The following SOX6 variants were observed in gnomAD, a reference collection of about 807,000 sequenced individuals.
SOX6 encodes the protein transcription factor SOX-6.
SOX6 carries 11 observed loss-of-function variants against 97.8 expected under a neutral mutation model. That is an observed-to-expected ratio of 0.11 (90% CI 0.07 to 0.19). The LOEUF (loss-of-function observed/expected upper bound fraction) is 0.19, where lower values mean the gene tolerates loss of function less well. Ranked by LOEUF, SOX6 falls within the 10% of genes least tolerant of loss-of-function variation. The probability of loss-of-function intolerance (pLI) is 1.00; values close to 1 mark genes in which losing one functional copy is unlikely to be tolerated. For missense variants in SOX6, 810 were observed against 1,039.5 expected (o/e 0.78, Z 3.04); for synonymous variants, 360 against 371.4 (o/e 0.97, Z 0.35).
chr11:16,337,266 C>G (rs1332507506), intron 2 of SOX6, among the ~76,000 whole-genome samples: 1 of 152,098 alleles, frequency 6.6e-6, no homozygotes, highest in Non-Finnish European at 1.5e-5. Context: ...CTGTTTGATA[C>G]AAGTAGCTAT....
chr11:16,229,405 C>T (rs1852782935), intron 4 of SOX6, among the ~76,000 whole-genome samples: 1 of 151,622 alleles, frequency 6.6e-6, no homozygotes, highest in African/African-American at 2.4e-5. Context: ...ATAAGAATAA[C>T]AGGAAAGGAG....
At chr11:16,201,127 A>T (rs1239199234) in intron 4 of SOX6, among the ~76,000 whole-genome samples, 1 of 152,070 alleles carries the variant, frequency 6.6e-6, no homozygotes, top group Non-Finnish European at 1.5e-5. Context: ...AAAAAAAAAA[A>T]AAAATCCCTT....
intron 8 of SOX6, 25 bp from the exon 9 acceptor site, chr11:16,096,143 A>AC: frequency 6.2e-7 from 1 of 1,609,736 alleles, no homozygotes; most frequent in African/African-American, 1.3e-5. Flanking sequence ...ATTCAGAAAA[A>AC]AAAAAAAAGA....
chr11:16,019,292 G>A (rs1031375030), intron 12 of SOX6, among the ~76,000 whole-genome samples: 5 of 151,976 alleles, frequency 3.3e-5, no homozygotes, highest in Admixed American at 6.6e-5. Flanking sequence ...TTAAGTACAC[G>A]TCTGGTCAAT....
At chr11:15,987,903 C>T (rs1853917781) in intron 14 of SOX6, among the ~76,000 whole-genome samples, 1 of 151,858 alleles carries the variant, frequency 6.6e-6, no homozygotes, top group South Asian at 2.1e-4. Context: ...TTTAACATTT[C>T]ACCACTATTT....
intron 4 of SOX6, among the ~76,000 whole-genome samples, chr11:16,575,373 C>G (rs1354195055): frequency 6.6e-6 from 1 of 152,064 alleles, no homozygotes; most frequent in Non-Finnish European, 1.5e-5. Context: ...TTGTCTGACT[C>G]AACAATTCCA....
At chr11:16,570,877 G>C (rs966328914) in intron 4 of SOX6, among the ~76,000 whole-genome samples, 2 of 152,046 alleles carry the variant, frequency 1.3e-5, no homozygotes, top group Non-Finnish European at 2.9e-5. Flanking sequence ...TTCTGTAGCT[G>C]GCAGAAGTAA....
intron 6 of SOX6, among the ~76,000 whole-genome samples, chr11:16,132,326 G>GAAA (rs1849778064): frequency 1.5e-5 from 1 of 66,252 alleles, no homozygotes; most frequent in African/African-American, 5.6e-5. Flanking sequence ...AAGGAAGGAA[G>GAAA]GAAGGAAAGA....
chr11:16,185,641 A>G (rs1020965304), intron 5 of SOX6, among the ~76,000 whole-genome samples: 1 of 152,228 alleles, frequency 6.6e-6, no homozygotes, highest in Non-Finnish European at 1.5e-5. Flanking sequence ...ATTTTGAAAT[A>G]TAATTACAAA....
intron 15 of SOX6, among the ~76,000 whole-genome samples, chr11:15,982,937 T>C (rs892815208): frequency 6.6e-5 from 10 of 152,030 alleles, no homozygotes; most frequent in Non-Finnish European, 1.5e-4. Context: ...TGTAGCTACA[T>C]GTACCCTAAT....
At chr11:16,265,323 T>C (rs1854049434) in intron 3 of SOX6, among the ~76,000 whole-genome samples, 1 of 151,862 alleles carries the variant, frequency 6.6e-6, no homozygotes, top group Admixed American at 6.6e-5. Context: ...TAGTCATGAT[T>C]TGGTGCATCA....
chr11:16,623,709 T>G (rs1031698273), intron 3 of SOX6, among the ~76,000 whole-genome samples: 4 of 152,218 alleles, frequency 2.6e-5, no homozygotes, highest in Admixed American at 2.0e-4. Context: ...TAGATTTAAG[T>G]CTTTGATCCA....
At chr11:16,478,290 A>G (rs1860289265), upstream of SOX6, among the ~76,000 whole-genome samples, 1 of 152,244 alleles carries the variant, frequency 6.6e-6, no homozygotes, top group East Asian at 1.9e-4. Flanking sequence ...GATACATGAT[A>G]CATCCTATTC....
chr11:16,455,891 G>C (rs1859802018), intron 1 of SOX6, among the ~76,000 whole-genome samples: 1 of 151,760 alleles, frequency 6.6e-6, no homozygotes, highest in Non-Finnish European at 1.5e-5. Context: ...TACCTGCATA[G>C]AGTACATAAA....
chr11:16,301,964 A>G (rs1381645039), intron 3 of SOX6, among the ~76,000 whole-genome samples: 2 of 151,992 alleles, frequency 1.3e-5, no homozygotes, highest in Non-Finnish European at 2.9e-5. Flanking sequence ...TATATTCACC[A>G]TTCTAATAGC....
chr11:16,471,037 T>C (rs1860132683), intron 1 of SOX6, among the ~76,000 whole-genome samples: 1 of 151,918 alleles, frequency 6.6e-6, no homozygotes. Context: ...CTAAAAAGAC[T>C]TGGGTAACCT....
chr11:16,160,195 G>A (rs1348131752), intron 6 of SOX6, among the ~76,000 whole-genome samples: 1 of 152,152 alleles, frequency 6.6e-6, no homozygotes, highest in Admixed American at 6.6e-5. Flanking sequence ...TTGGGCAGAG[G>A]AAGAAATTGA....
intron 4 of SOX6, among the ~76,000 whole-genome samples, chr11:16,589,248 G>A (rs963083115): frequency 7.2e-5 from 11 of 151,986 alleles, no homozygotes; most frequent in South Asian, 2.1e-4. Flanking sequence ...TCCAAAGTGC[G>A]TACATACATC....
chr11:16,146,756 T>C (rs1383185135), intron 6 of SOX6, among the ~76,000 whole-genome samples: 1 of 152,116 alleles, frequency 6.6e-6, no homozygotes, highest in Non-Finnish European at 1.5e-5. Context: ...GAAAAAATGC[T>C]CATCATCACT....
Sources: allele counts gnomAD v4.1 joint callset (sites outside exome capture counted in the v4.1 genomes callset), GRCh38; gene constraint gnomAD v4.1.1; transcripts MANE v1.5; gene names NCBI Gene and HGNC (gene_info 2026-07-23, HGNC 2026-07-21).